HIF1A: variants seen among roughly 807,000 people sequenced by gnomAD.
HIF1A encodes hypoxia-inducible factor 1-alpha.
In HIF1A, 24 loss-of-function variants were observed where a neutral mutation model predicts 92.7. The ratio of observed to expected loss-of-function variants is 0.26; its 90% CI spans 0.19 to 0.36. HIF1A has a LOEUF of 0.36. Among genes scored for constraint, HIF1A ranks in the 10% least tolerant of loss-of-function variants. The probability of loss-of-function intolerance (pLI) is 1.00; values close to 1 mark genes in which losing one functional copy is unlikely to be tolerated. For missense variants in HIF1A, 799 were observed against 998.5 expected, an observed-to-expected ratio of 0.80 and a Z score of 2.69; for synonymous variants, 319 against 338.7, an observed-to-expected ratio of 0.94 and a Z score of 0.64.
intron 1 of HIF1A, chr14:61,698,101 G>C (rs773429136): frequency 6.9e-6 from 3 of 431,660 alleles, no homozygotes; most frequent in Non-Finnish European, 1.2e-5. Context: ...TCAGGCTTCA[G>C]GCCAGACTCC....
At position 61,720,374 on chromosome 14, in the gene HIF1A, T is replaced by C. The variant is rs1389322690; in HGVS notation, c.36-8T>C. 6.3e-7 allele frequency: 1 copy of C among 1,595,038 alleles called. No homozygotes were observed. The highest frequency in any genetic ancestry group is 8.5e-7 in the Non-Finnish European group (1 of 1,171,638). ...CCATCTCGTGTTTTTCTTGTTGTTG[T>C]TAAGTAGGATAAGTTCTGAACGTCG... On this transcript the variant is annotated splice_polypyrimidine_tract_variant and splice_region_variant and intron_variant, in intron 1 of 14. Transcript: ENST00000337138.
Position 61,744,860 on chromosome 14 carries a change from C to CGTGTGTGT in HIF1A, c.2202+74_2202+81dup, listed in dbSNP as rs60361955. On this transcript the variant is annotated intron_variant, in intron 13 of 14. Transcript: ENST00000337138. ...TGCTTTTCTAGCTAATGTGCTATTT[C>CGTGTGTGT]GTGTGTGTGTGTGTGTGTGTGTGTG... 3.0e-4 allele frequency: 162 copies of CGTGTGTGT among 531,712 alleles called. 1 individual carries two copies. The highest frequency in any genetic ancestry group is 2.8e-3 in the African/African-American group (144 of 51,004). The allele number at this position is 531,712 out of a possible 1,614,324, so 32.9% of individuals were successfully genotyped here. A position where few individuals can be genotyped will look rare whatever the true frequency, so the allele number is the denominator to read the frequency against.
At chr14:61,712,928 A>G (rs1249450440) in intron 1 of HIF1A, among the ~76,000 whole-genome samples, 2 of 151,450 alleles carry the variant, frequency 1.3e-5, no homozygotes, top group African/African-American at 2.4e-5. Flanking sequence ...GATCAGTTCT[A>G]CCAGAGAGGA....
chr14:61,737,244 A>G, intron 9 of HIF1A, 135 bp downstream of exon 9: 1 of 641,878 alleles, frequency 1.6e-6, no homozygotes, highest in Non-Finnish European at 2.6e-6. Flanking sequence ...AGTTTTCTTA[A>G]ATGTATTTGC....
In HIF1A at chr14:61,695,771, C is replaced by T; in HGVS notation, c.-34C>T. On this transcript the variant is annotated 5_prime_UTR_variant, in exon 1 of 15. Transcript: ENST00000337138. The stretch of plus-strand genomic sequence containing the variant: ...TAGGCCGGAGCGAGCCTGGGGGCCG[C>T]CCGCCGTGAAGACATCGCGGGGACC... The T allele has an allele frequency of 1.9e-6, 3 of 1,580,350 alleles. No individual in the cohort carries two copies. Among genetic ancestry groups the T allele is most frequent in the Non-Finnish European group, 2.6e-6 (3 of 1,164,976 alleles).
At chr14:61,696,053 C>T (rs559586260) in intron 1 of HIF1A, among the ~76,000 whole-genome samples, 1 of 152,290 alleles carries the variant, frequency 6.6e-6, no homozygotes, top group South Asian at 2.1e-4. Context: ...TGGGAGACGC[C>T]TCGAAAGTGC....
chr14:61,718,508 G>T (rs991828090), intron 1 of HIF1A, among the ~76,000 whole-genome samples: 1 of 152,142 alleles, frequency 6.6e-6, no homozygotes, highest in African/African-American at 2.4e-5. Flanking sequence ...TGGAACTCCA[G>T]TGTATGCTGG....
chr14:61,705,016 C>CT (rs1214586069), intron 1 of HIF1A, among the ~76,000 whole-genome samples: 1 of 152,112 alleles, frequency 6.6e-6, no homozygotes, highest in Non-Finnish European at 1.5e-5. Context: ...ATTGGCCAGT[C>CT]TGCTTTTAGA....
chr14:61,697,862 A>T, intron 1 of HIF1A: 1 of 1,518,828 alleles, frequency 6.6e-7, no homozygotes, highest in Non-Finnish European at 8.8e-7. Context: ...TGAGCTCCCA[A>T]TGTCGGAGTT....
At chr14:61,710,782 C>T (rs1309764533) in intron 1 of HIF1A, among the ~76,000 whole-genome samples, 1 of 151,962 alleles carries the variant, frequency 6.6e-6, no homozygotes, top group Non-Finnish European at 1.5e-5. Flanking sequence ...CAAAGCTGGC[C>T]AGGCGCGGTG....
At chr14:61,736,120 A>C (rs2044634297) in intron 8 of HIF1A, among the ~76,000 whole-genome samples, 1 of 151,870 alleles carries the variant, frequency 6.6e-6, no homozygotes, top group African/African-American at 2.4e-5. Flanking sequence ...CTGGGACTAC[A>C]GGTGTGCACC....
chr14:61,725,430 T>G (rs1192736036), intron 4 of HIF1A, among the ~76,000 whole-genome samples: 3 of 152,212 alleles, frequency 2.0e-5, no homozygotes, highest in Non-Finnish European at 4.4e-5. Flanking sequence ...AATTTTTTTT[T>G]TTGAGACAGT....
intron 10 of HIF1A, among the ~76,000 whole-genome samples, chr14:61,738,912 C>T (rs72714575): frequency 0.09 from 13,630 of 151,792 alleles, 846 homozygotes; most frequent in Non-Finnish European, 0.14. Context: ...AATTTTTTAA[C>T]CTTTTTTTGT....
chr14:61,733,314 G>A (rs917678696), intron 7 of HIF1A, among the ~76,000 whole-genome samples: 19 of 152,296 alleles, frequency 1.2e-4, no homozygotes, highest in African/African-American at 4.6e-4. Flanking sequence ...TCGAACTCCT[G>A]ACCTCAGGTT....
Position 61,702,293 on chromosome 14 carries a change from TAGC to T in HIF1A, c.35+6457_35+6459del, listed in dbSNP as rs1304192614. ...AAATACAAAAAAAAAAAAAAAAAAA[TAGC>T]AGGATGTGGTGGCACATGCCTGTAA... On this transcript the variant is annotated intron_variant, in intron 1 of 14. Transcript: ENST00000337138. Among the ~76,000 whole-genome samples, 374 of 88,718 alleles carry T rather than the reference TAGC, an allele frequency of 4.2e-3. 3 individuals carry two copies. The highest frequency in any genetic ancestry group is 0.012 in the African/African-American group (344 of 28,362). The allele number at this position is 88,718 out of a possible 152,430, so 58.2% of individuals were successfully genotyped here.
intron 1 of HIF1A, among the ~76,000 whole-genome samples, chr14:61,708,957 GTGTAATCTC>G (rs113000871): frequency 0.042 from 6,437 of 152,222 alleles, 160 homozygotes; most frequent in East Asian, 0.14. Flanking sequence ...GAGTGCAATG[GTGTAATCTC>G]AGCTCACCAC....
Position 61,738,966 on chromosome 14 carries a change from G to C in HIF1A, c.1536+593G>C, listed in dbSNP as rs552103276. ...GGTTCTCACTATGTTGCTCAGGCTGGTTTTAAACTCCTGGGCTCAAGCGAT... is the reference window on the plus strand; with the variant it reads ...GGTTCTCACTATGTTGCTCAGGCTGCTTTTAAACTCCTGGGCTCAAGCGAT... On this transcript the variant is annotated intron_variant, in intron 10 of 14. Coordinates refer to ENST00000337138, the MANE Select transcript of HIF1A (RefSeq NM_001530.4). Among the ~76,000 whole-genome samples, 81 of 152,136 alleles carry C rather than the reference G, an allele frequency of 5.3e-4. 1 individual carries two copies. The highest frequency in any genetic ancestry group is 3.5e-3 in the South Asian group (17 of 4,820).
intron 1 of HIF1A, among the ~76,000 whole-genome samples, chr14:61,704,537 T>C (rs2044214996): frequency 6.6e-6 from 1 of 152,234 alleles, no homozygotes; most frequent in African/African-American, 2.4e-5. Flanking sequence ...TCATTAAATG[T>C]CTTTTAACTT....
chr14:61,732,947 GTATTTA>G (rs2044594089), intron 7 of HIF1A, among the ~76,000 whole-genome samples: 3 of 152,032 alleles, frequency 2.0e-5, no homozygotes, highest in Admixed American at 2.0e-4. Context: ...GCATAGTTAG[GTATTTA>G]TATTTATGGG....
Sources: allele counts gnomAD v4.1 joint callset (sites outside exome capture counted in the v4.1 genomes callset), GRCh38; gene constraint gnomAD v4.1.1; transcripts MANE v1.5; gene names NCBI Gene and HGNC (gene_info 2026-07-23, HGNC 2026-07-21).